Variants in CNTD1 observed in about 807,000 individuals in gnomAD.
CNTD1 encodes the protein cyclin N-terminal domain-containing protein 1.
CNTD1 carries 17 observed loss-of-function variants against 36.3 expected under a neutral mutation model. The observed-to-expected ratio is 0.47, with a 90% CI of 0.32 to 0.70. CNTD1 has a LOEUF of 0.70. CNTD1 is among the 30% of genes least tolerant of loss of function. The pLI, the probability that CNTD1 is intolerant of heterozygous loss-of-function variation, is 0.03. For missense variants in CNTD1, 338 were observed against 386.1 expected (o/e 0.88, Z 1.04); for synonymous variants, 128 against 153.3 (o/e 0.83, Z 1.22).
At chr17:42,802,260 G>C (rs1228559263) in intron 1 of CNTD1, among the ~76,000 whole-genome samples, 1 of 152,026 alleles carries the variant, frequency 6.6e-6, no homozygotes, top group Non-Finnish European at 1.5e-5. Context: ...GAAAGAGAGA[G>C]GTTAAAAGGG....
chr17:42,799,996 G>A (rs1202439097), intron 1 of CNTD1, among the ~76,000 whole-genome samples: 2 of 150,274 alleles, frequency 1.3e-5, no homozygotes, highest in Admixed American at 6.6e-5. Context: ...CCCGGGAGGC[G>A]GAGCTTGCAG....
At chr17:42,801,525 AT>A (rs2054790166) in intron 1 of CNTD1, among the ~76,000 whole-genome samples, 5 of 72,990 alleles carry the variant, frequency 6.9e-5, no homozygotes, top group Admixed American at 4.7e-4. Context: ...ATATATATAT[AT>A]ATATATATAT....
intron 3 of CNTD1, 64 bp from the exon 4 acceptor site, chr17:42,805,658 C>G (rs1326212550): frequency 2.9e-6 from 4 of 1,397,458 alleles, no homozygotes; most frequent in Non-Finnish European, 3.9e-6. Flanking sequence ...GGGCTTTGTG[C>G]ACTCTGTCAA....
chr17:42,809,323 T>G (rs1357038854), intron 6 of CNTD1, 42 bp from the exon 7 acceptor site: 1 of 1,544,600 alleles, frequency 6.5e-7, no homozygotes, highest in Non-Finnish European at 8.9e-7. Flanking sequence ...TAAAATGTGT[T>G]GAGATTTTTT....
Position 42,805,736 on chromosome 17 carries a change from TAC to T in CNTD1, c.434_435del (p.Thr145SerfsTer14), listed in dbSNP as rs1247822112. On this transcript the variant is annotated frameshift_variant, in exon 4 of 7. Transcript: ENST00000588408. LOFTEE classifies it high-confidence loss of function. ...TCTTTGCTCAGATAATCAGCAACAT[TAC>T]AGTCTTGAATTTCCTCCAGGCTCTA... Reference protein sequence around the residue: ...SFRNKIISNITVLNFLQALGY... With the variant: ...SFRNKIISNIXVLNFLQALGY... 2.5e-6 allele frequency: 4 copies of T among 1,612,256 alleles called. No homozygotes were observed. Among genetic ancestry groups the T allele is most frequent in the East Asian group, 2.2e-5 (1 of 44,878 alleles).
intron 6 of CNTD1, among the ~76,000 whole-genome samples, chr17:42,808,220 G>A (rs112587646): frequency 0.02 from 3,070 of 151,950 alleles, 116 homozygotes; most frequent in African/African-American, 0.071. Context: ...GACCAGCCTG[G>A]TCAACACAGC....
At chr17:42,806,456 G>T (rs1168188734) in intron 4 of CNTD1, among the ~76,000 whole-genome samples, 2 of 152,018 alleles carry the variant, frequency 1.3e-5, no homozygotes, top group African/African-American at 4.8e-5. Flanking sequence ...GATAAGAGAG[G>T]GACAACTACA....
At chr17:42,803,487 G>T (rs2144119483) in intron 1 of CNTD1, 133 bp from the exon 2 acceptor site, 1 of 670,802 alleles carries the variant, frequency 1.5e-6, no homozygotes, top group Middle Eastern at 4.2e-4. Flanking sequence ...AGCTTTGGTT[G>T]TTTTAGTCTC....
chr17:42,803,017 A>C (rs138715072), intron 1 of CNTD1, among the ~76,000 whole-genome samples: 40 of 152,310 alleles, frequency 2.6e-4, no homozygotes, highest in Non-Finnish European at 4.9e-4. Context: ...GCCACTTCAC[A>C]GTAACACACT....
At position 42,799,165 on chromosome 17, in the gene CNTD1, C is replaced by A; in HGVS notation, c.98C>A (p.Ala33Asp). 6.2e-7 allele frequency: 1 copy of A among 1,614,058 alleles called. No homozygotes were observed. Among genetic ancestry groups the A allele is most frequent in the South Asian group, 1.1e-5 (1 of 91,080 alleles). Residue 33 changes from alanine (A) to aspartate (D), a missense_variant, in exon 1 of 7, where the codon GCC becomes GAC. Ala to Asp is a moderately radical substitution (Grantham distance 126, BLOSUM62 -2). Coordinates refer to ENST00000588408, the MANE Select transcript of CNTD1 (RefSeq NM_173478.3). ...ETIEDALLHL[A>D]QQNEQAVREA... Reference sequence around the variant, plus strand: ...ATTGAAGACGCCCTGCTTCACTTGGCCCAGCAGAATGAGCAAGCAGTGAGG... The same window carrying A: ...ATTGAAGACGCCCTGCTTCACTTGGACCAGCAGAATGAGCAAGCAGTGAGG...
intron 3 of CNTD1, among the ~76,000 whole-genome samples, chr17:42,805,067 G>T (rs2054856756): frequency 2.6e-5 from 4 of 152,012 alleles, no homozygotes; most frequent in Admixed American, 2.6e-4. Flanking sequence ...TGGACTCAAG[G>T]GCAGTTTACA....
chr17:42,807,690 T>C (rs2054903831), intron 5 of CNTD1, 78 bp from the exon 6 acceptor site: 2 of 1,016,790 alleles, frequency 2.0e-6, no homozygotes, highest in Non-Finnish European at 3.1e-6. Context: ...TAATTCATAG[T>C]TGAAGTTCCA....
At position 42,801,508 on chromosome 17, in the gene CNTD1, AAAATATATAT is replaced by A. The variant is rs1284183777; in HGVS notation, c.170-2110_170-2101del. ...GAGACCTTGTCTCAAAAAAAAAAAA[AAAATATATAT>A]ATATATATATATATATATATATATA... is the stretch of plus-strand genomic sequence containing the variant. On this transcript the variant is annotated intron_variant, in intron 1 of 6. Transcript: ENST00000588408. 1.7e-3 allele frequency among the ~76,000 whole-genome samples: 88 copies of A among 50,970 alleles called. 2 individuals carry two copies. Among genetic ancestry groups the A allele is most frequent in the African/African-American group, 9.7e-3 (63 of 6,528 alleles). The allele number at this position is 50,970 out of a possible 152,430, so 33.4% of individuals were successfully genotyped here.
chr17:42,809,226 T>C (rs552951006), intron 6 of CNTD1, 139 bp from the exon 7 acceptor site: 30 of 815,840 alleles, frequency 3.7e-5, no homozygotes, highest in South Asian at 3.5e-4. Flanking sequence ...AATTTGGCCA[T>C]TGGCAAACAC....
intron 1 of CNTD1, among the ~76,000 whole-genome samples, 196 bp from the exon 2 acceptor site, chr17:42,803,424 G>A (rs573711729): frequency 4.6e-5 from 7 of 152,300 alleles, no homozygotes; most frequent in African/African-American, 1.7e-4. Flanking sequence ...CACTCAGTCA[G>A]CCTCCTTTAC....
intron 3 of CNTD1, among the ~76,000 whole-genome samples, chr17:42,804,799 C>CTTT (rs2144122508): frequency 6.6e-6 from 1 of 152,192 alleles, no homozygotes; most frequent in African/African-American, 2.4e-5. Flanking sequence ...CAGAGCGACT[C>CTTT]TGTCTCAAAA....
chr17:42,807,291 T>C, intron 5 of CNTD1, among the ~76,000 whole-genome samples: 1 of 152,086 alleles, frequency 6.6e-6, no homozygotes, highest in East Asian at 1.9e-4. Flanking sequence ...GGCGGGCACC[T>C]GTAGTCCCAG....
Position 42,810,607 on chromosome 17 carries a change from G to T in CNTD1, c.*1072G>T. On this transcript the variant is annotated 3_prime_UTR_variant, in exon 7 of 7. Transcript: ENST00000588408. ...TAGCTCTGGAAAGTATCTGTCACAT[G>T]ATATTTTAAAATAAAGTGGCTTTTG... 1.3e-6 allele frequency: 1 copy of T among 771,206 alleles called. No individual in the cohort carries two copies. Among genetic ancestry groups the T allele is most frequent in the Non-Finnish European group, 1.9e-6 (1 of 522,972 alleles). The allele number at this position is 771,206 out of a possible 1,614,324, so 47.8% of individuals were successfully genotyped here.
At position 42,806,752 on chromosome 17, in the gene CNTD1, A is replaced by G. The variant is rs1005401631; in HGVS notation, c.659A>G (p.His220Arg). The change falls in exon 5 of 7, where the codon CAT becomes CGT. Residue 220 changes from histidine (H) to arginine (R), a missense_variant. Coordinates refer to ENST00000588408, the MANE Select transcript of CNTD1 (RefSeq NM_173478.3). ...CTGCTCGACCTGGTCTATCTTCTGC[A>G]TGAACCCATATATGAGAGCCTGTTG... ...LTLLDLVYLL[H>R]EPIYESLLRA... 6.2e-6 allele frequency: 10 copies of G among 1,614,050 alleles called. No homozygotes were observed. In the African/African-American group the frequency reaches 1.2e-4, roughly 19 times the overall value.
Sources: gnomAD v4.1 joint callset for allele counts (sites outside exome capture counted in the v4.1 genomes callset) on GRCh38, gnomAD v4.1.1 for gene constraint, MANE v1.5 for transcripts, NCBI Gene and HGNC (gene_info 2026-07-23, HGNC 2026-07-21) for gene names.